Variants in PLXNA4 observed in about 807,000 individuals in gnomAD.
The protein encoded by PLXNA4 is plexin-A4.
PLXNA4 carries 44 observed loss-of-function variants against 191.8 expected under a neutral mutation model. The observed-to-expected ratio is 0.23, with a 90% CI of 0.18 to 0.29. The LOEUF is 0.29. Ranked by LOEUF, PLXNA4 falls within the 10% of genes least tolerant of loss-of-function variation. The pLI, the probability that PLXNA4 is intolerant of heterozygous loss-of-function variation, is 1.00. For synonymous variants in PLXNA4, 1,082 were observed against 1,009.5 expected (o/e 1.07, Z -1.36); for missense variants, 1,800 against 2,488.8 (o/e 0.72, Z 5.89).
intron 18 of PLXNA4, 140 bp downstream of exon 18, chr7:132,181,241 T>G: frequency 6.9e-7 from 1 of 1,439,510 alleles, no homozygotes; most frequent in South Asian, 1.3e-5. Context: ...GAGAGAACAT[T>G]TATCACACTC....
rs1348141404 is a variant in PLXNA4 at position 132,576,333 on chromosome 7, C to T, written c.-87+89G>A. ...TGTGCCGCGGGCTGGCTCCGGGACA[C>T]TGAGGACTCCCGGGTCGGCCCAGGT... is the stretch of plus-strand genomic sequence containing the variant. On this transcript the variant is annotated intron_variant, in intron 1 of 31. Transcript: ENST00000321063. This position sits in a 1 kb window ranked among gnomAD's most constrained non-coding sequence, Gnocchi z 5.8. 6.3e-6 allele frequency: 6 copies of T among 957,632 alleles called. No homozygotes were observed. The highest frequency in any genetic ancestry group is 1.2e-4 in the Admixed American group (2 of 16,230). The allele number at this position is 957,632 out of a possible 1,614,324, so 59.3% of individuals were successfully genotyped here.
intron 2 of PLXNA4, among the ~76,000 whole-genome samples, chr7:132,611,238 C>T (rs1803041144): frequency 6.6e-6 from 1 of 152,230 alleles, no homozygotes; most frequent in African/African-American, 2.4e-5. Context: ...ACCTGCCATT[C>T]CTTAAGAAAC....
intron 1 of PLXNA4, among the ~76,000 whole-genome samples, chr7:132,564,325 T>C (rs1437347857): frequency 1.4e-4 from 14 of 97,932 alleles, no homozygotes; most frequent in African/African-American, 2.3e-4. Context: ...TCCTCCTCCT[T>C]CTCCTTCTGC....
At chr7:132,535,107 A>G (rs895519813) in intron 1 of PLXNA4, among the ~76,000 whole-genome samples, 1 of 152,260 alleles carries the variant, frequency 6.6e-6, no homozygotes. Flanking sequence ...ATAGATCTTC[A>G]TCATCCATAT....
intron 3 of PLXNA4, 109 bp from the exon 4 acceptor site, chr7:132,298,331 TCTCC>T: frequency 7.1e-7 from 1 of 1,407,430 alleles, no homozygotes; most frequent in African/African-American, 1.4e-5. Flanking sequence ...ATGAGTTCTG[TCTCC>T]ACAGTGCTCA....
intron 3 of PLXNA4, among the ~76,000 whole-genome samples, chr7:132,433,026 A>G (rs967358945): frequency 6.6e-6 from 1 of 152,182 alleles, no homozygotes; most frequent in African/African-American, 2.4e-5. Context: ...GCTCTTACAC[A>G]TAGGAGGTTT....
At chr7:132,442,804 T>A (rs1795745755) in intron 3 of PLXNA4, among the ~76,000 whole-genome samples, 2 of 152,200 alleles carry the variant, frequency 1.3e-5, no homozygotes, top group Admixed American at 6.5e-5. Context: ...GCCCCTGATT[T>A]TTCTGTCTCT....
chr7:132,437,415 T>C (rs1489761697), intron 3 of PLXNA4, among the ~76,000 whole-genome samples: 2 of 152,168 alleles, frequency 1.3e-5, no homozygotes, highest in East Asian at 1.9e-4. Context: ...CATGTTTGCA[T>C]GCAAGCACGT....
In PLXNA4 at chr7:132,508,200, T is replaced by A; in HGVS notation, c.494A>T (p.Glu165Val). 4 of 1,614,210 alleles carry A rather than the reference T, an allele frequency of 2.5e-6. No homozygotes were observed. Among genetic ancestry groups the A allele is most frequent in the Non-Finnish European group, 3.4e-6 (4 of 1,180,022 alleles). Residue 165 changes from glutamate to valine, a missense_variant, in exon 2 of 32, where the codon GAG becomes GTG. Physicochemically the swap from Glu to Val is moderately radical, Grantham distance 121. Transcript: ENST00000321063. This position sits in a 1 kb window ranked among gnomAD's most constrained non-coding sequence, Gnocchi z 4.4. ...GATCACTCCAAAGACTGAGCCGCTC[T>A]CGTTGACACCTGACAGATAGTGCTC... ...KKEHYLSGVN[E>V]SGSVFGVIVS... is the part of the protein sequence containing the mutation.
At chr7:132,264,628 C>G (rs1359302174) in intron 4 of PLXNA4, among the ~76,000 whole-genome samples, 3 of 151,944 alleles carry the variant, frequency 2.0e-5, no homozygotes, top group South Asian at 2.1e-4. Flanking sequence ...CCCTGAGCTA[C>G]CTCATCTACT....
chr7:132,625,255 G>A (rs955300210), intron 2 of PLXNA4, among the ~76,000 whole-genome samples: 1 of 152,132 alleles, frequency 6.6e-6, no homozygotes, highest in Admixed American at 6.6e-5. Context: ...ACCACATGAT[G>A]AAAGCCCCTC....
At chr7:132,175,886 C>G (rs1796440877) in intron 20 of PLXNA4, among the ~76,000 whole-genome samples, 3 of 152,182 alleles carry the variant, frequency 2.0e-5, no homozygotes, top group Non-Finnish European at 4.4e-5. Flanking sequence ...TGGGCATTAA[C>G]TATTAAAAAA....
chr7:132,335,574 G>A lies in PLXNA4; in HGVS notation c.1372-37352C>T, dbSNP rs984802622. Among the ~76,000 whole-genome samples the A allele has an allele frequency of 2.0e-5, 3 of 152,132 alleles. No individual in the cohort carries two copies. The East Asian group carries it at 5.8e-4, about 29-fold the overall frequency. On this transcript the variant is annotated intron_variant, in intron 3 of 31. Coordinates refer to ENST00000321063, the MANE Select transcript of PLXNA4 (RefSeq NM_020911.2). ...CGGCACCGGCCTTTTTAGCTTTAAAGCTCAAGGTCATCCTATATTAAATTG... is the reference window on the plus strand; with the variant it reads ...CGGCACCGGCCTTTTTAGCTTTAAAACTCAAGGTCATCCTATATTAAATTG...
At chr7:132,577,740 G>C (rs371892565), upstream of PLXNA4, among the ~76,000 whole-genome samples, 4 of 152,326 alleles carry the variant, frequency 2.6e-5, no homozygotes, top group East Asian at 7.8e-4. Context: ...AGCCGCCTCG[G>C]AATTTGCAGC....
intron 28 of PLXNA4, chr7:132,145,590 A>C: frequency 2.7e-6 from 1 of 375,526 alleles, no homozygotes; most frequent in Non-Finnish European, 5.0e-6. Context: ...AGCACTTTTC[A>C]CAAATGCTAA....
rs185369730 is a variant in PLXNA4 at position 132,566,262 on chromosome 7, A to G, written c.-87+10160T>C. 1.2e-4 allele frequency among the ~76,000 whole-genome samples: 18 copies of G among 151,928 alleles called. No homozygotes were observed. The East Asian group carries it at 3.5e-3, about 29-fold the overall frequency. Reference sequence around the variant, plus strand: ...TACCACTGAGAGGGTACCCCCTTTTACCCCAACCCACATACACACTCCCAC... The same window carrying G: ...TACCACTGAGAGGGTACCCCCTTTTGCCCCAACCCACATACACACTCCCAC... On this transcript the variant is annotated intron_variant, in intron 1 of 31. Transcript: ENST00000321063.
chr7:132,377,919 G>A (rs1804728072), intron 3 of PLXNA4, among the ~76,000 whole-genome samples: 1 of 152,118 alleles, frequency 6.6e-6, no homozygotes, highest in Admixed American at 6.5e-5. Context: ...CGTTCTACTG[G>A]AGGCCGCGAG....
At chr7:132,402,957 G>A (rs1289232174) in intron 3 of PLXNA4, among the ~76,000 whole-genome samples, 2 of 152,176 alleles carry the variant, frequency 1.3e-5, no homozygotes, top group African/African-American at 2.4e-5. Context: ...CTCAGCTGAC[G>A]CACCGCCACC....
intron 2 of PLXNA4, among the ~76,000 whole-genome samples, chr7:132,598,661 C>CTATAAGTTACCTATTCATCACCTTTCT (rs1802761597): frequency 1.3e-5 from 2 of 152,060 alleles, no homozygotes; most frequent in African/African-American, 4.8e-5. Flanking sequence ...GCAAGAATTT[C>CTATAAGTTACCTATTCATCACCTTTCT]CTGTGAATTC....
Sources: gnomAD v4.1 joint callset for allele counts (sites outside exome capture counted in the v4.1 genomes callset) on GRCh38, gnomAD v4.1.1 for gene constraint, Gnocchi (gnomAD v3.1) non-coding constraint, MANE v1.5 for transcripts, NCBI Gene and HGNC (gene_info 2026-07-23, HGNC 2026-07-21) for gene names.